The following LITAF variants were observed in gnomAD, a reference collection of about 807,000 sequenced individuals.
The protein encoded by LITAF is lipopolysaccharide induced TNF factor.
A neutral mutation model predicts 14.5 loss-of-function variants in LITAF; 9 were observed. That is an observed-to-expected ratio of 0.62 (90% CI 0.37 to 1.08). The LOEUF (loss-of-function observed/expected upper bound fraction) is 1.08. Among genes scored for constraint, LITAF ranks in the 50% least tolerant of loss-of-function variants. LITAF has a pLI of 0.01. For synonymous variants in LITAF, 98 were observed against 88.2 expected, an observed-to-expected ratio of 1.11 and a Z score of -0.62; for missense variants, 206 against 213.4, an observed-to-expected ratio of 0.97 and a Z score of 0.22.
chr16:11,550,598 T>C (rs573589656), intron 3 of LITAF, among the ~76,000 whole-genome samples: 6 of 152,294 alleles, frequency 3.9e-5, no homozygotes, highest in African/African-American at 1.4e-4. Flanking sequence ...AAGTCTTAGA[T>C]GGGCTTGGTG....
At chr16:11,635,671 C>T (rs951375107) in intron 2 of LITAF, among the ~76,000 whole-genome samples, 1 of 152,220 alleles carries the variant, frequency 6.6e-6, no homozygotes, top group Non-Finnish European at 1.5e-5. Context: ...AAGAAAAATG[C>T]CCAAACTGCA....
At chr16:11,550,793 C>T (rs975842815) in intron 3 of LITAF, among the ~76,000 whole-genome samples, 2 of 152,258 alleles carry the variant, frequency 1.3e-5, no homozygotes, top group South Asian at 4.1e-4. Flanking sequence ...ACCACACACC[C>T]GGCCACATAC....
chr16:11,617,840 AC>A (rs2065027902), intron 3 of LITAF, among the ~76,000 whole-genome samples: 1 of 151,836 alleles, frequency 6.6e-6, no homozygotes, highest in African/African-American at 2.4e-5. Flanking sequence ...TCCCTCCGTA[AC>A]CTATTTATTT....
intron 3 of LITAF, among the ~76,000 whole-genome samples, chr16:11,628,023 A>AC (rs2065094667): frequency 7.1e-6 from 1 of 140,842 alleles, no homozygotes; most frequent in African/African-American, 3.2e-5. Context: ...AAAAAAAAAA[A>AC]AAAAAAAAAA....
intron 3 of LITAF, among the ~76,000 whole-genome samples, chr16:11,614,999 A>T (rs1437259855): frequency 6.6e-6 from 1 of 152,174 alleles, no homozygotes; most frequent in African/African-American, 2.4e-5. Context: ...CCTCACTCAC[A>T]GCTGCTTCTC....
In LITAF at chr16:11,549,564, C is replaced by T; in HGVS notation, c.*73G>A. The stretch of plus-strand genomic sequence containing the variant: ...TGAGACCACCAGGGCAGAACCTCCA[C>T]CAGGCGTGAAGCTGGATGAGAGGTG... On this transcript the variant is annotated 3_prime_UTR_variant, in exon 4 of 4. Transcript: ENST00000622633. This position sits in a 1 kb window ranked among gnomAD's most constrained non-coding sequence, Gnocchi z 4.6. The T allele has an allele frequency of 8.7e-7, 1 of 1,146,148 alleles. No individual in the cohort carries two copies. The highest frequency in any genetic ancestry group is 1.3e-6 in the Non-Finnish European group (1 of 774,846). 71.0% of individuals were successfully genotyped at this position (1,146,148 alleles called of 1,614,324 possible).
chr16:11,632,201 C>T lies in LITAF; in HGVS notation c.85+1332G>A, dbSNP rs2065121508. ...ACCTATTTTCAAATCAGGTCACCTT[C>T]ACAAGTGCTGGGAGTTACGTCGTGG... On this transcript the variant is annotated intron_variant, in intron 3 of 3. Transcript: ENST00000574848. This position sits in a 1 kb window ranked among gnomAD's most constrained non-coding sequence, Gnocchi z 4.8. Among the ~76,000 whole-genome samples, 1 of 152,158 alleles carries T rather than the reference C, an allele frequency of 6.6e-6. No individual in the cohort carries two copies. Among genetic ancestry groups the T allele is most frequent in the Non-Finnish European group, 1.5e-5 (1 of 68,018 alleles).
chr16:11,623,743 G>C (rs540053454), intron 3 of LITAF, among the ~76,000 whole-genome samples: 158 of 151,798 alleles, frequency 1.0e-3, no homozygotes, highest in Admixed American at 2.0e-3. Context: ...GAGGTGGGCA[G>C]ATTACCTGAG....
At chr16:11,616,019 AACC>A (rs2065017531) in intron 3 of LITAF, among the ~76,000 whole-genome samples, 1 of 152,170 alleles carries the variant, frequency 6.6e-6, no homozygotes, top group Non-Finnish European at 1.5e-5. Flanking sequence ...CCTTGATAAG[AACC>A]ACTAGATAGG....
chr16:11,615,329 G>A (rs1350132384), intron 3 of LITAF, among the ~76,000 whole-genome samples: 2 of 152,212 alleles, frequency 1.3e-5, no homozygotes, highest in East Asian at 1.9e-4. Context: ...CTGAGGTCAG[G>A]AGTTCAAGAC....
At chr16:11,613,468 G>A (rs1398539333) in intron 3 of LITAF, among the ~76,000 whole-genome samples, 2 of 152,188 alleles carry the variant, frequency 1.3e-5, no homozygotes, top group African/African-American at 4.8e-5. Context: ...AGGTGCCAGA[G>A]TGTGTTGTTC....
At chr16:11,580,139 T>C (rs2064709983) in intron 1 of LITAF, among the ~76,000 whole-genome samples, 1 of 152,180 alleles carries the variant, frequency 6.6e-6, no homozygotes, top group African/African-American at 2.4e-5. Flanking sequence ...GAATGCAGTA[T>C]TTCAAAATCT....
At chr16:11,596,646 G>A (rs1387714407) in intron 1 of LITAF, among the ~76,000 whole-genome samples, 1 of 77,992 alleles carries the variant, frequency 1.3e-5, no homozygotes, top group Non-Finnish European at 2.5e-5. Flanking sequence ...GGAAAAGGAT[G>A]AGGGGGAGAG....
chr16:11,625,788 G>C (rs534080105), intron 3 of LITAF, among the ~76,000 whole-genome samples: 1 of 152,280 alleles, frequency 6.6e-6, no homozygotes, highest in Non-Finnish European at 1.5e-5. Context: ...GCTGGAGACA[G>C]AAAGAGCCCA....
Position 11,553,283 on chromosome 16 carries a change from C to G in LITAF, c.377+250G>C. ...AAAATAAGCTGGGCGTGGTTGTGCACCCCTATAATCCCAGCTACACGGGAC... is the reference window on the plus strand; with the variant it reads ...AAAATAAGCTGGGCGTGGTTGTGCAGCCCTATAATCCCAGCTACACGGGAC... On this transcript the variant is annotated intron_variant, in intron 3 of 3. Coordinates refer to ENST00000622633, the MANE Select transcript of LITAF (RefSeq NM_001136472.2). This position sits in a 1 kb window ranked among gnomAD's most constrained non-coding sequence, Gnocchi z 7.7. 2.1e-6 allele frequency: 1 copy of G among 470,542 alleles called. No individual in the cohort carries two copies. The highest frequency in any genetic ancestry group is 2.0e-5 in the African/African-American group (1 of 50,818). The allele number at this position is 470,542 out of a possible 1,614,324, so 29.1% of individuals were successfully genotyped here.
rs1395645342 is a variant in LITAF at position 11,586,143 on chromosome 16, T to A, written c.-6+743A>T. 1 of 152,384 alleles carries A rather than the reference T, an allele frequency of 6.6e-6. No homozygotes were observed. Among genetic ancestry groups the A allele is most frequent in the African/African-American group, 2.4e-5 (1 of 41,462 alleles). 9.4% of individuals were successfully genotyped at this position (152,384 alleles called of 1,614,324 possible). A position where few individuals can be genotyped will look rare whatever the true frequency, so the allele number is the denominator to read the frequency against. ...GTCACCAGCTGGTCCCACCAGCACC[T>A]ACCCAGCACCGGCGGTGGACGGTGA... On this transcript the variant is annotated intron_variant, in intron 1 of 3. Transcript: ENST00000622633. This position sits in a 1 kb window ranked among gnomAD's most constrained non-coding sequence, Gnocchi z 6.5.
intron 3 of LITAF, among the ~76,000 whole-genome samples, chr16:11,610,376 G>A (rs1326982357): frequency 2.0e-5 from 3 of 152,004 alleles, no homozygotes; most frequent in Non-Finnish European, 4.4e-5. Flanking sequence ...TGGTGGGGGT[G>A]AGGATCGGGA....
chr16:11,589,343 A>G (rs1216840068), upstream of LITAF, among the ~76,000 whole-genome samples: 1 of 152,252 alleles, frequency 6.6e-6, no homozygotes, highest in East Asian at 1.9e-4. Flanking sequence ...ACTTAATGGT[A>G]AAAGACTGGA....
At chr16:11,572,702 G>C (rs1057419011) in intron 1 of LITAF, among the ~76,000 whole-genome samples, 1 of 152,150 alleles carries the variant, frequency 6.6e-6, no homozygotes. Context: ...AGAGACCAGA[G>C]GACAATGAAT....
Sources: allele counts gnomAD v4.1 joint callset (sites outside exome capture counted in the v4.1 genomes callset), GRCh38; gene constraint gnomAD v4.1.1; non-coding constraint Gnocchi (gnomAD v3.1); transcripts MANE v1.5; gene names NCBI Gene and HGNC (gene_info 2026-07-23, HGNC 2026-07-21).